TINAG: variants seen among roughly 807,000 people sequenced by gnomAD.
The protein encoded by TINAG is tubulointerstitial nephritis antigen.
TINAG carries 83 observed loss-of-function variants against 72.7 expected under a neutral mutation model. That is an observed-to-expected ratio of 1.14 (90% confidence interval 0.96 to 1.37). The LOEUF (loss-of-function observed/expected upper bound fraction) is 1.37. Among genes scored for constraint, TINAG ranks in the 40% most tolerant of loss-of-function variants. TINAG has a pLI of 0.00. For synonymous variants in TINAG, 234 were observed against 189.9 expected (o/e 1.23, Z -1.91); for missense variants, 685 against 576.6 (o/e 1.19, Z -1.93).
chr6:54,359,330 G>A (rs987044975), intron 9 of TINAG, among the ~76,000 whole-genome samples: 3 of 151,534 alleles, frequency 2.0e-5, no homozygotes, highest in African/African-American at 7.3e-5. Context: ...GCCCAATCTA[G>A]GGGCTTCCTT....
chr6:54,373,691 T>C (rs1763697120), intron 9 of TINAG, among the ~76,000 whole-genome samples: 1 of 152,040 alleles, frequency 6.6e-6, no homozygotes, highest in African/African-American at 2.4e-5. Context: ...GCACGAATAT[T>C]CCATAAAATT....
chr6:54,318,885 T>A (rs1044588385), intron 1 of TINAG, among the ~76,000 whole-genome samples: 1 of 152,116 alleles, frequency 6.6e-6, no homozygotes, highest in African/African-American at 2.4e-5. Flanking sequence ...TTAATTCTCA[T>A]GCTAGATTAA....
chr6:54,340,996 T>A (rs529408480), intron 4 of TINAG, among the ~76,000 whole-genome samples: 30 of 152,268 alleles, frequency 2.0e-4, no homozygotes, highest in African/African-American at 7.0e-4. Context: ...GGCTTTCAAA[T>A]GTGGAGGTCA....
At chr6:54,382,486 A>T (rs1763981194) in intron 10 of TINAG, among the ~76,000 whole-genome samples, 1 of 152,122 alleles carries the variant, frequency 6.6e-6, no homozygotes, top group African/African-American at 2.4e-5. Flanking sequence ...TTTATAAAAC[A>T]TACTAGTGGT....
chr6:54,366,933 A>C (rs996948409), intron 9 of TINAG: 2 of 151,284 alleles, frequency 1.3e-5, no homozygotes, highest in African/African-American at 4.8e-5. Flanking sequence ...GCAAGGAGGA[A>C]TCTAATAAAA....
chr6:54,344,394 A>G (rs898329505), intron 5 of TINAG, among the ~76,000 whole-genome samples: 1 of 152,158 alleles, frequency 6.6e-6, no homozygotes, highest in Admixed American at 6.5e-5. Context: ...TGGCTATCTT[A>G]TGATGTCCTT....
chr6:54,377,458 G>C (rs1057424566), intron 9 of TINAG, among the ~76,000 whole-genome samples: 5 of 152,084 alleles, frequency 3.3e-5, no homozygotes, highest in African/African-American at 9.7e-5. Flanking sequence ...TTTGCTATGA[G>C]CCGATACTGT....
chr6:54,362,524 A>G (rs1763271628), intron 9 of TINAG, among the ~76,000 whole-genome samples: 1 of 151,636 alleles, frequency 6.6e-6, no homozygotes, highest in Non-Finnish European at 1.5e-5. Context: ...AAATGCACCT[A>G]ATCACCTAAG....
chr6:54,310,512 CTT>C (rs1259737263), intron 1 of TINAG, among the ~76,000 whole-genome samples: 1 of 142,774 alleles, frequency 7.0e-6, no homozygotes, highest in Non-Finnish European at 1.5e-5. Context: ...CTTTCTCTTT[CTT>C]TCTTTTCTTT....
intron 9 of TINAG, among the ~76,000 whole-genome samples, chr6:54,358,062 A>T (rs977288498): frequency 2.0e-5 from 3 of 151,718 alleles, no homozygotes; most frequent in Non-Finnish European, 2.9e-5. Context: ...TGTTTCAGCA[A>T]CATGTACCCC....
intron 4 of TINAG, among the ~76,000 whole-genome samples, chr6:54,333,783 A>C (rs1784799703): frequency 1.3e-5 from 2 of 152,120 alleles, no homozygotes; most frequent in African/African-American, 2.4e-5. Context: ...TTTTTTACCT[A>C]AACACAGTTA....
intron 9 of TINAG, among the ~76,000 whole-genome samples, chr6:54,374,624 T>C (rs1239393885): frequency 1.3e-5 from 2 of 152,138 alleles, no homozygotes; most frequent in African/African-American, 4.8e-5. Context: ...GCAGTTATCT[T>C]TCAAATCTTT....
chr6:54,313,042 T>G (rs1269322058), intron 1 of TINAG, among the ~76,000 whole-genome samples: 2 of 152,184 alleles, frequency 1.3e-5, no homozygotes, highest in Non-Finnish European at 2.9e-5. Flanking sequence ...ATTTTGGGAT[T>G]GAAAGAAGGT....
intron 4 of TINAG, 50 bp downstream of exon 4, chr6:54,326,966 T>G (rs1049545880): frequency 6.2e-7 from 1 of 1,609,474 alleles, no homozygotes; most frequent in African/African-American, 1.3e-5. Flanking sequence ...TAAAAGTGTG[T>G]TTGTGTGTGC....
intron 9 of TINAG, chr6:54,370,076 G>A (rs924474730): frequency 6.6e-6 from 1 of 151,954 alleles, no homozygotes; most frequent in African/African-American, 2.4e-5. Context: ...GAATGTTGCT[G>A]AGATGTCAAA....
chr6:54,371,981 G>GTTTTTTTTTTTTTTTTTTTTT (rs576340253), intron 9 of TINAG, among the ~76,000 whole-genome samples: 1 of 71,420 alleles, frequency 1.4e-5, no homozygotes, highest in African/African-American at 5.1e-5. Context: ...TTCAAGTCAT[G>GTTTTTTTTTTTTTTTTTTTTT]TTTTTTTTTT....
At chr6:54,362,144 T>A (rs1026641057) in intron 9 of TINAG, among the ~76,000 whole-genome samples, 2 of 151,716 alleles carry the variant, frequency 1.3e-5, no homozygotes, top group African/African-American at 4.8e-5. Context: ...GTGGCTACAC[T>A]AAATAACAGA....
chr6:54,324,896 A>C (rs1398117306), intron 3 of TINAG, among the ~76,000 whole-genome samples: 1 of 152,178 alleles, frequency 6.6e-6, no homozygotes, highest in Non-Finnish European at 1.5e-5. Flanking sequence ...TGTGAAACAT[A>C]AGTATTGTCC....
Position 54,308,577 on chromosome 6 carries a change from C to A in TINAG, c.27C>A (p.Ile9=), listed in dbSNP as rs763313026. Residue 9 remains isoleucine (I), a synonymous_variant, in exon 1 of 11, where the codon ATC becomes ATA. Coordinates refer to ENST00000259782, the MANE Select transcript of TINAG (RefSeq NM_014464.4). ...TGTGGACCGGATATAAGATCTTAAT[C>A]TTCTCTTATCTTACTACAGAAATCT... MWTGYKIL[I]FSYLTTEIWM... is the part of the protein sequence containing the mutation. The A allele has an allele frequency of 1.2e-6, 2 of 1,612,090 alleles. No individual in the cohort carries two copies. Among genetic ancestry groups the A allele is most frequent in the African/African-American group, 2.7e-5 (2 of 74,680 alleles).
Sources: gnomAD v4.1 joint callset for allele counts (sites outside exome capture counted in the v4.1 genomes callset) on GRCh38, gnomAD v4.1.1 for gene constraint, MANE v1.5 for transcripts, NCBI Gene and HGNC (gene_info 2026-07-23, HGNC 2026-07-21) for gene names.